The following TBCK variants were observed in gnomAD, a reference collection of about 807,000 sequenced individuals.
The protein encoded by TBCK is TBC domain-containing protein kinase-like protein.
Under a neutral mutation model 113.4 loss-of-function variants are expected in TBCK, and 99 were observed. That is an observed-to-expected ratio of 0.87 (90% CI 0.74 to 1.03). The LOEUF (loss-of-function observed/expected upper bound fraction) is 1.03, where lower values mean the gene tolerates loss of function less well. TBCK is among the 50% of genes least tolerant of loss of function. The pLI is 0.00. For missense variants in TBCK, 1,045 were observed against 1,061.3 expected, an observed-to-expected ratio of 0.98 and a Z score of 0.21; for synonymous variants, 369 against 370.8, an observed-to-expected ratio of 1.00 and a Z score of 0.05.
intron 23 of TBCK, among the ~76,000 whole-genome samples, chr4:106,118,830 G>A (rs966805625): frequency 1.1e-4 from 16 of 152,160 alleles, no homozygotes; most frequent in African/African-American, 3.9e-4. Context: ...TATGGGAGGA[G>A]TTTTTCAAAG....
chr4:106,119,452 A>G (rs1012722069), intron 23 of TBCK, among the ~76,000 whole-genome samples: 5 of 152,210 alleles, frequency 3.3e-5, no homozygotes, highest in African/African-American at 9.7e-5. Context: ...GAAAAACTGA[A>G]TATCTATATG....
chr4:106,130,501 A>G (rs966776292), intron 23 of TBCK, among the ~76,000 whole-genome samples: 1 of 152,012 alleles, frequency 6.6e-6, no homozygotes, highest in African/African-American at 2.4e-5. Context: ...AATGTTCAGG[A>G]TATATTATTA....
chr4:106,116,255 T>C lies in TBCK; in HGVS notation c.2359A>G (p.Thr787Ala), dbSNP rs1368313901. 1.2e-6 allele frequency: 2 copies of C among 1,614,114 alleles called. No individual in the cohort carries two copies. Among genetic ancestry groups the C allele is most frequent in the Non-Finnish European group, 8.5e-7 (1 of 1,180,024 alleles). The change falls in exon 24 of 26, where the codon ACA becomes GCA. Residue 787 changes from threonine to alanine, a missense_variant. Thr to Ala is a moderately conservative substitution (Grantham distance 58). Transcript: ENST00000394708. ...TGHFKTPSKKTKSSKPKLLVV... is the reference protein window; with the variant it reads ...TGHFKTPSKKAKSSKPKLLVV... ...AGGAGCTTTGGTTTACTGGACTTTG[T>C]TTTCTTGCTGGGTGTTTTGAAGTGG...
chr4:106,078,549 C>G (rs1228359798), intron 25 of TBCK, among the ~76,000 whole-genome samples: 2 of 152,026 alleles, frequency 1.3e-5, no homozygotes, highest in Admixed American at 1.3e-4. Flanking sequence ...TTGATAAATT[C>G]CTGGAAACAC....
chr4:106,214,764 G>C (rs938125281), intron 19 of TBCK, among the ~76,000 whole-genome samples: 1 of 151,356 alleles, frequency 6.6e-6, no homozygotes, highest in Non-Finnish European at 1.5e-5. Flanking sequence ...GTGATGGGGA[G>C]AATGGAACCA....
rs190917226 is a variant in TBCK, at chr4:106,209,219, A to G, written c.1860+3531T>C. Among the ~76,000 whole-genome samples the G allele has an allele frequency of 2.9e-3, 406 of 140,034 alleles. 3 individuals are homozygous for G. Among genetic ancestry groups the G allele is most frequent in the African/African-American group, 0.011 (397 of 37,608 alleles). The allele number at this position is 140,034 out of a possible 152,430, so 91.9% of individuals were successfully genotyped here. A position where few individuals can be genotyped will look rare whatever the true frequency, so the allele number is the denominator to read the frequency against. ...GCTCCAGTAATTTTATGTGTAGATCATAACAGGGAAGCATAAATAAATATA... is the reference window on the plus strand; with the variant it reads ...GCTCCAGTAATTTTATGTGTAGATCGTAACAGGGAAGCATAAATAAATATA... On this transcript the variant is annotated intron_variant, in intron 20 of 25. Coordinates refer to ENST00000394708, the MANE Select transcript of TBCK (RefSeq NM_001163435.3).
chr4:106,308,721 G>A lies in TBCK; in HGVS notation c.193+47C>T, dbSNP rs751169434. On this transcript the variant is annotated intron_variant, in intron 2 of 25. Coordinates refer to ENST00000394708, the MANE Select transcript of TBCK (RefSeq NM_001163435.3). Reference sequence around the variant, plus strand: ...GTGGATATAGTATTTATAACTTAGGGTAACAAAGTAGAGAACATAAATAGG... The same window carrying A: ...GTGGATATAGTATTTATAACTTAGGATAACAAAGTAGAGAACATAAATAGG... 34 of 1,520,862 alleles carry A rather than the reference G, an allele frequency of 2.2e-5. 1 individual carries two copies. In the Admixed American group the frequency reaches 5.9e-4, roughly 26 times the overall value. The allele number at this position is 1,520,862 out of a possible 1,614,324, so 94.2% of individuals were successfully genotyped here.
chr4:106,189,366 T>C (rs1226270950), intron 22 of TBCK, among the ~76,000 whole-genome samples: 1 of 112,990 alleles, frequency 8.9e-6, no homozygotes, highest in Non-Finnish European at 1.9e-5. Flanking sequence ...AAAAGAAAAA[T>C]AGACATGCAT....
intron 2 of TBCK, among the ~76,000 whole-genome samples, chr4:106,304,475 C>A (rs1767291579): frequency 6.6e-6 from 1 of 152,094 alleles, no homozygotes; most frequent in Non-Finnish European, 1.5e-5. Flanking sequence ...ATATTTTTTC[C>A]ACGTTTAAGT....
intron 22 of TBCK, among the ~76,000 whole-genome samples, chr4:106,175,459 A>C (rs1275600424): frequency 6.6e-6 from 1 of 151,750 alleles, no homozygotes; most frequent in East Asian, 1.9e-4. Context: ...ACTCCTAAGT[A>C]AGATATTTCT....
chr4:106,255,343 T>C (rs745530673), intron 5 of TBCK, among the ~76,000 whole-genome samples: 6 of 152,220 alleles, frequency 3.9e-5, no homozygotes, highest in Non-Finnish European at 8.8e-5. Flanking sequence ...CAGCTCGTGC[T>C]ACTGGCCTGG....
At chr4:106,115,254 A>G (rs755094718) in intron 24 of TBCK, among the ~76,000 whole-genome samples, 60 of 152,196 alleles carry the variant, frequency 3.9e-4, no homozygotes, top group Non-Finnish European at 7.4e-4. Context: ...ATCAGGATCA[A>G]AGGAAATACT....
At chr4:106,240,725 AC>A in intron 12 of TBCK, among the ~76,000 whole-genome samples, 1 of 152,024 alleles carries the variant, frequency 6.6e-6, no homozygotes, top group Non-Finnish European at 1.5e-5. Flanking sequence ...AGAACTATAA[AC>A]AAATCTTAAA....
rs141536659 is a variant in TBCK at position 106,295,676 on chromosome 4, C to T, written c.194-510G>A. On this transcript the variant is annotated intron_variant, in intron 2 of 25. Coordinates refer to ENST00000394708, the MANE Select transcript of TBCK (RefSeq NM_001163435.3). ...AGAATTATTGTTAACCCTTGAACAA[C>T]GCAGGGGGTTCTTAAAGGTGCCAAC... Among the ~76,000 whole-genome samples, 801 of 152,162 alleles carry T rather than the reference C, an allele frequency of 5.3e-3. 4 individuals are homozygous for T. The highest frequency in any genetic ancestry group is 0.018 in the African/African-American group (749 of 41,532).
At chr4:106,232,011 A>G (rs1758908123) in intron 17 of TBCK, among the ~76,000 whole-genome samples, 1 of 151,766 alleles carries the variant, frequency 6.6e-6, no homozygotes, top group South Asian at 2.1e-4. Flanking sequence ...TATGAGTTGA[A>G]AAGAGAAATA....
At chr4:106,163,088 C>G (rs1579091538) in intron 23 of TBCK, among the ~76,000 whole-genome samples, 1 of 152,156 alleles carries the variant, frequency 6.6e-6, no homozygotes, top group Admixed American at 6.5e-5. Context: ...TCATCTCTCT[C>G]AAGTTCAAAG....
chr4:106,111,293 T>A (rs1057418904), intron 24 of TBCK, among the ~76,000 whole-genome samples: 5 of 152,232 alleles, frequency 3.3e-5, no homozygotes, highest in Non-Finnish European at 5.9e-5. Context: ...GACTTTTGCA[T>A]GACTTACGTG....
At chr4:106,299,413 T>C (rs1766680946) in intron 2 of TBCK, among the ~76,000 whole-genome samples, 1 of 152,234 alleles carries the variant, frequency 6.6e-6, no homozygotes, top group Admixed American at 6.5e-5. Context: ...TTAAATTGGA[T>C]ATTCATAATT....
chr4:106,155,540 T>G (rs1239517803), intron 23 of TBCK, among the ~76,000 whole-genome samples: 1 of 152,118 alleles, frequency 6.6e-6, no homozygotes, highest in Non-Finnish European at 1.5e-5. Context: ...TGAAGCTATT[T>G]CCTAGACCCT....
Sources: gnomAD v4.1 joint callset for allele counts (sites outside exome capture counted in the v4.1 genomes callset) on GRCh38, gnomAD v4.1.1 for gene constraint, MANE v1.5 for transcripts, NCBI Gene and HGNC (gene_info 2026-07-23, HGNC 2026-07-21) for gene names.